CXADR: variants seen among roughly 807,000 people sequenced by gnomAD.
CXADR encodes coxsackievirus and adenovirus receptor.
A neutral mutation model predicts 40.3 loss-of-function variants in CXADR; 20 were observed. That is an observed-to-expected ratio of 0.50 (90% confidence interval 0.35 to 0.72). CXADR has a LOEUF of 0.72. CXADR is among the 30% of genes least tolerant of loss of function. CXADR has a pLI of 0.01. For synonymous variants in CXADR, 150 were observed against 161.3 expected (o/e 0.93, Z 0.53); for missense variants, 332 against 449.1 (o/e 0.74, Z 2.36).
chr21:17,556,821 T>G (rs530995993), intron 3 of CXADR, among the ~76,000 whole-genome samples: 32 of 152,362 alleles, frequency 2.1e-4, no homozygotes, highest in African/African-American at 7.7e-4. Context: ...CAATTAAATT[T>G]GTTAAGGAGT....
At chr21:17,634,047 G>A in the CXADR span, among the ~76,000 whole-genome samples, 3 of 152,166 alleles carry the variant, frequency 2.0e-5, no homozygotes, top group African/African-American at 7.2e-5. Context: ...TAGCTCTGAA[G>A]TTTTCATTAG....
Position 17,534,325 on chromosome 21 carries a change from G to C in CXADR, c.44-12702G>C, listed in dbSNP as rs971110483. 3.3e-5 allele frequency among the ~76,000 whole-genome samples: 5 copies of C among 151,772 alleles called. 1 individual carries two copies. The highest frequency in any genetic ancestry group is 2.6e-4 in the Admixed American group (4 of 15,208). On this transcript the variant is annotated intron_variant, in intron 1 of 6. Coordinates refer to ENST00000284878, the MANE Select transcript of CXADR (RefSeq NM_001338.5). ...TGGGCCAGGCTGGTCTTGATGTCCT[G>C]ACCTTGTGATCTGCCTGTCTCAGCC...
At chr21:17,584,395 T>A (rs1184297159) in intron 7 of CXADR, among the ~76,000 whole-genome samples, 1 of 152,262 alleles carries the variant, frequency 6.6e-6, no homozygotes, top group African/African-American at 2.4e-5. Flanking sequence ...CGTATTGTAG[T>A]GCAGGGTGGT....
chr21:17,541,161 G>A (rs2060822246), intron 1 of CXADR, among the ~76,000 whole-genome samples: 1 of 151,950 alleles, frequency 6.6e-6, no homozygotes, highest in African/African-American at 2.4e-5. Flanking sequence ...TTTACATCGG[G>A]GTTCACTCTT....
intron 1 of CXADR, chr21:17,530,416 T>G (rs1472177019): frequency 2.2e-6 from 1 of 456,520 alleles, no homozygotes. Flanking sequence ...TTTGTTTTAT[T>G]CATTTGCATT....
At chr21:17,594,697 A>T (rs2061481730), downstream of CXADR, among the ~76,000 whole-genome samples, 1 of 152,074 alleles carries the variant, frequency 6.6e-6, no homozygotes, top group Non-Finnish European at 1.5e-5. Flanking sequence ...TTTTAAATAC[A>T]AAACATTGGA....
intron 1 of CXADR, among the ~76,000 whole-genome samples, chr21:17,542,368 A>T (rs558378746): frequency 6.6e-6 from 1 of 152,198 alleles, no homozygotes; most frequent in African/African-American, 2.4e-5. Flanking sequence ...AGCTTCTTCC[A>T]TTCTCTCCAG....
chr21:17,605,543 T>C, the CXADR span, among the ~76,000 whole-genome samples: 13 of 152,320 alleles, frequency 8.5e-5, no homozygotes, highest in South Asian at 2.7e-3. Flanking sequence ...TCATATCATA[T>C]ACTTATGATT....
At position 17,578,385 on chromosome 21, in the gene CXADR, C is replaced by A. The variant is rs923701645; in HGVS notation, c.1017+12774C>A. ...AAGTGAAAGGTGTATGGTGAAATCA[C>A]CAGGTAAGAGTGTGTAGAGTGAGAA... On this transcript the variant is annotated intron_variant, in intron 7 of 7. Transcript: ENST00000400169. Among the ~76,000 whole-genome samples, 16 of 152,318 alleles carry A rather than the reference C, an allele frequency of 1.1e-4. No homozygotes were observed. In the South Asian group the frequency reaches 1.7e-3, roughly 16 times the overall value.
At chr21:17,578,947 C>T (rs1201129315) in intron 7 of CXADR, among the ~76,000 whole-genome samples, 1 of 152,154 alleles carries the variant, frequency 6.6e-6, no homozygotes, top group Non-Finnish European at 1.5e-5. Flanking sequence ...TTTGCCTCCC[C>T]ACATCCCCCC....
At chr21:17,589,501 C>G (rs566851269) in intron 7 of CXADR, among the ~76,000 whole-genome samples, 3 of 152,074 alleles carry the variant, frequency 2.0e-5, no homozygotes, top group African/African-American at 7.2e-5. Context: ...TGTATTTGTC[C>G]CATTCCCCGC....
chr21:17,522,091 T>G (rs556515960), intron 1 of CXADR, among the ~76,000 whole-genome samples: 70 of 152,278 alleles, frequency 4.6e-4, no homozygotes, highest in African/African-American at 1.7e-3. Context: ...CAGGTGATTC[T>G]TCTATCTCAG....
At chr21:17,588,814 G>T (rs1389496785) in intron 7 of CXADR, among the ~76,000 whole-genome samples, 1 of 151,860 alleles carries the variant, frequency 6.6e-6, no homozygotes, top group African/African-American at 2.4e-5. Context: ...TTAAAATCAG[G>T]CTTTCTAGTT....
chr21:17,594,452 T>G (rs2123421153), downstream of CXADR: 1 of 1,174,198 alleles, frequency 8.5e-7, no homozygotes, highest in Middle Eastern at 2.4e-4. Context: ...TAAGTGACAC[T>G]CCTATTGTCA....
chr21:17,534,092 A>AGC (rs1352160187), intron 1 of CXADR, among the ~76,000 whole-genome samples: 1 of 88,600 alleles, frequency 1.1e-5, no homozygotes, highest in Non-Finnish European at 2.2e-5. Flanking sequence ...ATATATATAT[A>AGC]TATATATATT....
At chr21:17,621,993 C>T in the CXADR span, among the ~76,000 whole-genome samples, 1 of 152,166 alleles carries the variant, frequency 6.6e-6, no homozygotes, top group Non-Finnish European at 1.5e-5. Flanking sequence ...AAGGAAGTTT[C>T]ACAGGCTTAT....
At chr21:17,556,505 A>G (rs567983131) in intron 3 of CXADR, among the ~76,000 whole-genome samples, 1 of 152,342 alleles carries the variant, frequency 6.6e-6, no homozygotes, top group East Asian at 1.9e-4. Flanking sequence ...TAGAGTTAGA[A>G]TACCATATTA....
Position 17,568,547 on chromosome 21 carries a change from T to C in CXADR, c.*2855T>C. ...AAGAGAAATGTTACTGTAGAATATA[T>C]AGTTCTGTACTTTTTTTTTTTTTTT... On this transcript the variant is annotated 3_prime_UTR_variant, in exon 7 of 7. Transcript: ENST00000284878. The C allele has an allele frequency of 1.0e-6, 1 of 969,934 alleles. No homozygotes were observed. The highest frequency in any genetic ancestry group is 1.2e-6 in the Non-Finnish European group (1 of 824,100). 60.1% of individuals were successfully genotyped at this position (969,934 alleles called of 1,614,324 possible).
At chr21:17,530,270 C>CCT in intron 1 of CXADR, 1 of 321,198 alleles carries the variant, frequency 3.1e-6, no homozygotes, top group Non-Finnish European at 6.1e-6. Context: ...CGGCCTCCTT[C>CCT]ACCCTTTTTT....
Sources: allele counts gnomAD v4.1 joint callset (sites outside exome capture counted in the v4.1 genomes callset), GRCh38; gene constraint gnomAD v4.1.1; transcripts MANE v1.5; gene names NCBI Gene and HGNC (gene_info 2026-07-23, HGNC 2026-07-21).